NALF1: variants seen among roughly 807,000 people sequenced by gnomAD.
NALF1 encodes family with sequence similarity 155 member A.
A neutral mutation model predicts 48.4 loss-of-function variants in NALF1; 3 were observed. The observed-to-expected ratio is 0.06, with a 90% CI of 0.03 to 0.16. The LOEUF (loss-of-function observed/expected upper bound fraction) is 0.16. Among genes scored for constraint, NALF1 ranks in the 10% least tolerant of loss-of-function variants. The pLI is 1.00. For synonymous variants in NALF1, 262 were observed against 245.7 expected, an observed-to-expected ratio of 1.07 and a Z score of -0.62; for missense variants, 526 against 571.5, an observed-to-expected ratio of 0.92 and a Z score of 0.81.
chr13:107,793,244 C>T (rs768583497), intron 1 of NALF1, among the ~76,000 whole-genome samples: 1 of 152,074 alleles, frequency 6.6e-6, no homozygotes, highest in Non-Finnish European at 1.5e-5. Context: ...TTTTTTCATA[C>T]GCTCCATATT....
At chr13:107,553,201 C>A (rs997141009) in intron 1 of NALF1, among the ~76,000 whole-genome samples, 1 of 152,072 alleles carries the variant, frequency 6.6e-6, no homozygotes, top group Non-Finnish European at 1.5e-5. Flanking sequence ...AATTTAGAAA[C>A]GCATTGCTAA....
At chr13:107,210,563 G>C (rs1476399106) in intron 2 of NALF1, 21 bp downstream of exon 2, 2 of 1,578,486 alleles carry the variant, frequency 1.3e-6, no homozygotes, top group South Asian at 1.1e-5. Flanking sequence ...CTGGTGTACA[G>C]ACTCCCACCC....
At chr13:107,680,504 A>G (rs12861214) in intron 1 of NALF1, among the ~76,000 whole-genome samples, 53,636 of 151,800 alleles carry the variant, frequency 0.35, 9,611 homozygotes, top group East Asian at 0.46. Context: ...GGGCATGTGT[A>G]TGCACGAGTG....
intron 1 of NALF1, among the ~76,000 whole-genome samples, chr13:107,770,623 C>T (rs1877552019): frequency 6.6e-6 from 1 of 152,180 alleles, no homozygotes; most frequent in Non-Finnish European, 1.5e-5. Flanking sequence ...CTTCTAATCA[C>T]TCTCAAGCCA....
chr13:107,652,695 T>G (rs1880477000), intron 1 of NALF1, among the ~76,000 whole-genome samples: 1 of 152,134 alleles, frequency 6.6e-6, no homozygotes, highest in Non-Finnish European at 1.5e-5. Flanking sequence ...TTTCATCATC[T>G]AACTCATTAG....
chr13:107,487,755 C>T lies in NALF1; in HGVS notation c.916-277000G>A, dbSNP rs758236485. Among the ~76,000 whole-genome samples, 7 of 151,994 alleles carry T rather than the reference C, an allele frequency of 4.6e-5. No homozygotes were observed. The South Asian group carries it at 1.2e-3, about 27-fold the overall frequency. ...CTGAAGTTTTCTTTTTTTGTTGTGC[C>T]CCTGCCAGGTTTTGGTATCAGGATG... On this transcript the variant is annotated intron_variant, in intron 1 of 2. Transcript: ENST00000375915.
rs1465705797 is a variant in NALF1, at chr13:107,545,086, C to T, written c.915+320596G>A. 3.3e-5 allele frequency among the ~76,000 whole-genome samples: 5 copies of T among 152,186 alleles called. No homozygotes were observed. In the East Asian group the frequency reaches 9.6e-4, roughly 29 times the overall value. On this transcript the variant is annotated intron_variant, in intron 1 of 2. Coordinates refer to ENST00000375915, the MANE Select transcript of NALF1 (RefSeq NM_001080396.3). ...AACCCTTAGTACATATAAAGGTGAT[C>T]TTATTTGGAAATAGGTCTCTATAGA...
At chr13:107,704,758 T>A (rs1022314964) in intron 1 of NALF1, among the ~76,000 whole-genome samples, 1 of 152,146 alleles carries the variant, frequency 6.6e-6, no homozygotes, top group African/African-American at 2.4e-5. Context: ...ATATGATATA[T>A]TCATCATGTT....
intron 1 of NALF1, among the ~76,000 whole-genome samples, chr13:107,755,048 G>A (rs1468611383): frequency 6.6e-6 from 1 of 152,096 alleles, no homozygotes; most frequent in East Asian, 1.9e-4. Flanking sequence ...TCAAACCTCA[G>A]CTCTAAAATT....
intron 1 of NALF1, among the ~76,000 whole-genome samples, chr13:107,401,662 T>C (rs1041361577): frequency 2.0e-5 from 3 of 151,224 alleles, no homozygotes; most frequent in African/African-American, 7.3e-5. Flanking sequence ...TTATAAATTA[T>C]TCTCACCCAA....
intron 1 of NALF1, among the ~76,000 whole-genome samples, chr13:107,560,363 A>T (rs1331590232): frequency 6.6e-6 from 1 of 152,144 alleles, no homozygotes; most frequent in African/African-American, 2.4e-5. Context: ...GAATTGAATA[A>T]AATACCCAAG....
chr13:107,684,182 G>A (rs1881374699), intron 1 of NALF1, among the ~76,000 whole-genome samples: 1 of 152,164 alleles, frequency 6.6e-6, no homozygotes, highest in African/African-American at 2.4e-5. Flanking sequence ...GCACCCGCAG[G>A]AAGATTAACC....
chr13:107,865,646 A>G, intron 1 of NALF1, 36 bp downstream of exon 1: 1 of 1,589,158 alleles, frequency 6.3e-7, no homozygotes, highest in Non-Finnish European at 8.6e-7. Context: ...GAGATAGGAA[A>G]GTGCAGGAAA....
intron 1 of NALF1, among the ~76,000 whole-genome samples, chr13:107,336,478 A>G (rs1265404175): frequency 1.3e-5 from 2 of 152,108 alleles, no homozygotes; most frequent in Non-Finnish European, 2.9e-5. Flanking sequence ...TCTTATCTAT[A>G]TTTATTTGTT....
chr13:107,430,490 C>G (rs983955281), intron 1 of NALF1, among the ~76,000 whole-genome samples: 3 of 152,194 alleles, frequency 2.0e-5, no homozygotes, highest in Non-Finnish European at 4.4e-5. Flanking sequence ...TGATGTTCCC[C>G]TTCCTGTGTC....
chr13:107,750,858 C>T (rs555172192), intron 1 of NALF1, among the ~76,000 whole-genome samples: 1 of 152,272 alleles, frequency 6.6e-6, no homozygotes, highest in East Asian at 1.9e-4. Context: ...CACTAACCTC[C>T]AACTGCCCTC....
chr13:107,425,995 T>C (rs1012181207), intron 1 of NALF1, among the ~76,000 whole-genome samples: 1 of 152,192 alleles, frequency 6.6e-6, no homozygotes, highest in Non-Finnish European at 1.5e-5. Context: ...CACTATAGTA[T>C]TGGATACCTC....
intron 1 of NALF1, among the ~76,000 whole-genome samples, chr13:107,334,548 G>A (rs1432435006): frequency 1.3e-5 from 2 of 152,100 alleles, no homozygotes; most frequent in Non-Finnish European, 2.9e-5. Flanking sequence ...CAGTAGTAAG[G>A]TTATTTTTTC....
chr13:107,860,234 C>A (rs1880534905), intron 1 of NALF1, among the ~76,000 whole-genome samples: 1 of 152,170 alleles, frequency 6.6e-6, no homozygotes, highest in South Asian at 2.1e-4. Context: ...ACTTCTCATG[C>A]ACTTCCTCAG....
Sources: gnomAD v4.1 joint callset for allele counts (sites outside exome capture counted in the v4.1 genomes callset) on GRCh38, gnomAD v4.1.1 for gene constraint, MANE v1.5 for transcripts, NCBI Gene and HGNC (gene_info 2026-07-23, HGNC 2026-07-21) for gene names.